The following CHCHD3 variants were observed in gnomAD, a reference collection of about 807,000 sequenced individuals.
The protein encoded by CHCHD3 is coiled-coil-helix-coiled-coil-helix domain containing 3.
In CHCHD3, 20 loss-of-function variants were observed where a neutral mutation model predicts 38.2. The observed-to-expected ratio is 0.52, with a 90% CI of 0.37 to 0.76. CHCHD3 has a LOEUF of 0.76. Among genes scored for constraint, CHCHD3 ranks in the 30% least tolerant of loss-of-function variants. The pLI is 0.00. For missense variants in CHCHD3, 245 were observed against 279.2 expected, an observed-to-expected ratio of 0.88 and a Z score of 0.87; for synonymous variants, 82 against 100.0, an observed-to-expected ratio of 0.82 and a Z score of 1.07.
At chr7:133,021,809 A>G (rs1269240996) in intron 3 of CHCHD3, among the ~76,000 whole-genome samples, 1 of 152,142 alleles carries the variant, frequency 6.6e-6, no homozygotes, top group Non-Finnish European at 1.5e-5. Flanking sequence ...TTTAAATGCC[A>G]GGCACGGTGG....
intron 2 of CHCHD3, among the ~76,000 whole-genome samples, chr7:133,056,781 C>A (rs1164310192): frequency 1.3e-5 from 2 of 152,172 alleles, no homozygotes; most frequent in Admixed American, 6.5e-5. Context: ...ATATTTCACT[C>A]AGCACCTGTA....
chr7:132,893,114 A>G (rs1809408948), intron 4 of CHCHD3, among the ~76,000 whole-genome samples: 1 of 152,220 alleles, frequency 6.6e-6, no homozygotes. Flanking sequence ...GAAACGTCAC[A>G]GGCACTCAAT....
At chr7:132,906,723 A>C (rs1237997494) in intron 4 of CHCHD3, among the ~76,000 whole-genome samples, 3 of 152,186 alleles carry the variant, frequency 2.0e-5, no homozygotes, top group African/African-American at 7.2e-5. Context: ...ATTTGTAAAA[A>C]AAAGACTGCC....
intron 3 of CHCHD3, chr7:133,022,412 G>A (rs1054944346): frequency 8.1e-5 from 37 of 456,490 alleles, no homozygotes; most frequent in African/African-American, 6.0e-4. Context: ...ATACAATAAC[G>A]TATACATGTT....
intron 5 of CHCHD3, among the ~76,000 whole-genome samples, chr7:132,844,511 G>C (rs368379711): frequency 1.3e-5 from 2 of 152,200 alleles, no homozygotes; most frequent in Non-Finnish European, 2.9e-5. Flanking sequence ...TACTTGACAT[G>C]ATTTGTCCAA....
chr7:132,889,030 C>T (rs1214368220), intron 4 of CHCHD3, among the ~76,000 whole-genome samples: 1 of 152,024 alleles, frequency 6.6e-6, no homozygotes, highest in Non-Finnish European at 1.5e-5. Context: ...GTTAGTACTT[C>T]TGTGATCAGA....
chr7:132,920,290 T>C (rs1259297509), intron 4 of CHCHD3, among the ~76,000 whole-genome samples: 3 of 152,196 alleles, frequency 2.0e-5, no homozygotes, highest in East Asian at 3.8e-4. Flanking sequence ...AGAGAACCTA[T>C]GGCAGGCAAA....
chr7:132,983,643 CA>C (rs1427265017), intron 3 of CHCHD3, among the ~76,000 whole-genome samples: 5 of 152,184 alleles, frequency 3.3e-5, no homozygotes, highest in Non-Finnish European at 5.9e-5. Context: ...TTGTTTATTA[CA>C]ATACCATAAC....
chr7:133,063,773 GAT>G (rs1814589728), intron 2 of CHCHD3, among the ~76,000 whole-genome samples: 1 of 152,166 alleles, frequency 6.6e-6, no homozygotes, highest in South Asian at 2.1e-4. Context: ...CCTAAAATGA[GAT>G]AGAACAGCTC....
At chr7:133,016,726 C>G (rs772381323) in intron 3 of CHCHD3, among the ~76,000 whole-genome samples, 1 of 152,214 alleles carries the variant, frequency 6.6e-6, no homozygotes, top group African/African-American at 2.4e-5. Flanking sequence ...AACAGGGACT[C>G]TCTCTGAATA....
intron 3 of CHCHD3, among the ~76,000 whole-genome samples, chr7:132,978,150 A>G (rs189672380): frequency 8.3e-4 from 126 of 152,328 alleles, no homozygotes; most frequent in African/African-American, 2.9e-3. Flanking sequence ...ATATACACTC[A>G]ATAAATGTTA....
intron 2 of CHCHD3, among the ~76,000 whole-genome samples, chr7:133,027,128 G>A (rs1265968833): frequency 2.6e-5 from 4 of 151,406 alleles, no homozygotes; most frequent in South Asian, 2.1e-4. Context: ...TGGTAGAGAC[G>A]GGATTTCACC....
intron 4 of CHCHD3, among the ~76,000 whole-genome samples, chr7:132,891,777 T>A (rs917028477): frequency 6.6e-6 from 1 of 152,174 alleles, no homozygotes; most frequent in African/African-American, 2.4e-5. Flanking sequence ...GAATGGATAA[T>A]GGGGGAGGTT....
Position 133,081,875 on chromosome 7 carries a change from G to A in CHCHD3, c.63C>T (p.Thr21=), listed in dbSNP as rs140722953. 1.5e-5 allele frequency: 24 copies of A among 1,555,986 alleles called. No individual in the cohort carries two copies. The highest frequency in any genetic ancestry group is 1.7e-4 in the Middle Eastern group (1 of 5,988). Residue 21 remains threonine, a synonymous_variant, in exon 1 of 8, where the codon ACC becomes ACT. Transcript: ENST00000262570. ...CACTCACCCGGATGCCCTTCACCAC[G>A]GTGATGTTCTCATTCTCGTCCGCCT... The part of the protein sequence containing the change: ...TFEADENENI[T]VVKGIRLSEN...
intron 5 of CHCHD3, among the ~76,000 whole-genome samples, chr7:132,866,890 C>T (rs1808639782): frequency 1.3e-5 from 2 of 152,170 alleles, no homozygotes; most frequent in African/African-American, 2.4e-5. Context: ...GAGTGTTCAA[C>T]AGGATCTGCC....
At chr7:132,860,138 T>C (rs1808446224) in intron 5 of CHCHD3, among the ~76,000 whole-genome samples, 1 of 151,896 alleles carries the variant, frequency 6.6e-6, no homozygotes, top group African/African-American at 2.4e-5. Flanking sequence ...CCAGGGGTGA[T>C]GGCGCGCATC....
At chr7:132,787,055 G>A (rs1173086952) in intron 7 of CHCHD3, among the ~76,000 whole-genome samples, 1 of 152,112 alleles carries the variant, frequency 6.6e-6, no homozygotes, top group Non-Finnish European at 1.5e-5. Flanking sequence ...GGACTGGGGT[G>A]GGACTGGGAG....
chr7:133,041,411 C>T (rs1174373511), intron 2 of CHCHD3, among the ~76,000 whole-genome samples: 1 of 152,178 alleles, frequency 6.6e-6, no homozygotes, highest in Non-Finnish European at 1.5e-5. Context: ...CAGTCATCTA[C>T]TTCCTGTTTA....
chr7:132,962,514 G>T (rs1811346769), intron 4 of CHCHD3, among the ~76,000 whole-genome samples: 2 of 152,220 alleles, frequency 1.3e-5, no homozygotes, highest in African/African-American at 4.8e-5. Flanking sequence ...GAGGGACAGA[G>T]AGAAGGCTAT....
Sources: gnomAD v4.1 joint callset for allele counts (sites outside exome capture counted in the v4.1 genomes callset) on GRCh38, gnomAD v4.1.1 for gene constraint, MANE v1.5 for transcripts, NCBI Gene and HGNC (gene_info 2026-07-23, HGNC 2026-07-21) for gene names.